Variants in COL4A6 observed in about 807,000 individuals in gnomAD.
COL4A6 encodes collagen type IV alpha 6 chain.
In COL4A6, 59 loss-of-function variants were observed where a neutral mutation model predicts 126.7. That is an observed-to-expected ratio of 0.47 (90% CI 0.38 to 0.58). The LOEUF (loss-of-function observed/expected upper bound fraction) is 0.58. Ranked by LOEUF, COL4A6 falls within the 20% of genes least tolerant of loss-of-function variation. The pLI, the probability that COL4A6 is intolerant of heterozygous loss-of-function variation, is 0.00. For missense variants in COL4A6, 1,285 were observed against 1,337.3 expected, an observed-to-expected ratio of 0.96 and a Z score of 0.61; for synonymous variants, 547 against 496.6, an observed-to-expected ratio of 1.10 and a Z score of -1.35.
At chrX:108,342,755 T>C (rs2039597900) in intron 2 of COL4A6, among the ~76,000 whole-genome samples, 1 of 111,276 alleles carries the variant, frequency 9.0e-6, no homozygotes, top group East Asian at 2.8e-4. Flanking sequence ...AGCTACCCAG[T>C]GGATATTTAT....
In COL4A6 at chrX:108,192,386, C is replaced by T. The variant is rs2035073115; in HGVS notation, c.1180+87G>A. 6 of 651,824 alleles carry T rather than the reference C, an allele frequency of 9.2e-6. No individual in the cohort carries two copies. In the Admixed American group the frequency reaches 1.2e-4, roughly 13 times the overall value. The allele number at this position is 651,824 out of a possible 1,213,427, so 53.7% of individuals were successfully genotyped here. A position where few individuals can be genotyped will look rare whatever the true frequency, so the allele number is the denominator to read the frequency against. On this transcript the variant is annotated intron_variant, in intron 18 of 44. Transcript: ENST00000334504. ...TTGTTTGACTTTGGCTAGGTGTGTG[C>T]CCCGACCCAGAGGTATAGAAGGGAA... is the stretch of plus-strand genomic sequence containing the variant.
At chrX:108,396,985 A>C (rs1021243227) in intron 2 of COL4A6, among the ~76,000 whole-genome samples, 5 of 111,679 alleles carry the variant, frequency 4.5e-5, no homozygotes, top group African/African-American at 1.6e-4. Context: ...ATGACTTTCT[A>C]TTCATGTATA....
Position 108,438,004 on chromosome X carries a change from A to AGG in COL4A6, c.12-13_12-12dup, listed in dbSNP as rs2064300554. On this transcript the variant is annotated splice_polypyrimidine_tract_variant and intron_variant, in intron 1 of 44. Transcript: ENST00000334504. The stretch of plus-strand genomic sequence containing the variant: ...AGGAGCAGCCACAACCTGAAATGGG[A>AGG]GGGAGGGTGAGTAATGGGCTCTCTA... 2.5e-6 allele frequency: 3 copies of AGG among 1,209,492 alleles called. No homozygotes were observed. Among genetic ancestry groups the AGG allele is most frequent in the Non-Finnish European group, 3.4e-6 (3 of 894,184 alleles).
chrX:108,190,459 C>G lies in COL4A6; in HGVS notation c.1359G>C (p.Glu453Asp). 1 of 1,205,181 alleles carries G rather than the reference C, an allele frequency of 8.3e-7. No homozygotes were observed. Among genetic ancestry groups the G allele is most frequent in the African/African-American group, 1.7e-5 (1 of 57,480 alleles). ...EFETETLHNKESGFPGLRGEQ... is the reference protein window; with the variant it reads ...EFETETLHNKDSGFPGLRGEQ... ...CTCCTCGGAGACCAGGGAACCCTGA[C>G]TCTTTGTTGTGTAGAGTTTCAGTCT... The change falls in exon 20 of 45, where the codon GAG (glutamate) becomes GAC (aspartate). Residue 453 changes from glutamate to aspartate, a missense_variant. Glu to Asp is a conservative substitution (Grantham distance 45). Transcript: ENST00000334504.
chrX:108,162,206 T>C (rs1488634441), intron 41 of COL4A6, among the ~76,000 whole-genome samples: 2 of 110,115 alleles, frequency 1.8e-5, no homozygotes, highest in African/African-American at 6.6e-5. Context: ...AAAAATTAGC[T>C]GGGTGTGGTG....
intron 3 of COL4A6, among the ~76,000 whole-genome samples, chrX:108,262,136 T>C (rs780013469): frequency 2.1e-4 from 24 of 111,994 alleles, no homozygotes; most frequent in African/African-American, 7.8e-4. Context: ...CTGGGTCTCA[T>C]TTGGATGAGT....
rs1490404088 is a variant in COL4A6 at position 108,435,036 on chromosome X, A to G, written c.63+2906T>C. ...ACGACTGAAAATCACAGCAGAAAGG[A>G]CCAACCTGGGCATGTTACAACTTTA... On this transcript the variant is annotated intron_variant, in intron 2 of 44. Coordinates refer to ENST00000334504, the MANE Select transcript of COL4A6 (RefSeq NM_033641.4). 1.7e-4 allele frequency among the ~76,000 whole-genome samples: 19 copies of G among 111,106 alleles called. No homozygotes were observed. The Admixed American group carries it at 1.8e-3, about 11-fold the overall frequency.
At chrX:108,221,785 T>C (rs1275880982) in intron 3 of COL4A6, among the ~76,000 whole-genome samples, 1 of 112,375 alleles carries the variant, frequency 8.9e-6, no homozygotes, top group African/African-American at 3.2e-5. Context: ...GTGCTTGCAG[T>C]GAAATCCAGA....
intron 38 of COL4A6, 92 bp from the exon 39 acceptor site, chrX:108,165,130 T>C: frequency 1.4e-5 from 13 of 934,737 alleles, no homozygotes; most frequent in Non-Finnish European, 1.9e-5. Context: ...CCAAAGCCCA[T>C]TCCCAGGACA....
At chrX:108,288,877 T>C (rs1288043012) in intron 3 of COL4A6, among the ~76,000 whole-genome samples, 1 of 111,571 alleles carries the variant, frequency 9.0e-6, no homozygotes, top group Non-Finnish European at 1.9e-5. Flanking sequence ...ATCATGTTCC[T>C]CCTGATGTGA....
intron 40 of COL4A6, chrX:108,163,284 C>G: frequency 3.0e-6 from 1 of 329,923 alleles, no homozygotes. Context: ...TCCTCAGGGC[C>G]CAGCATTGTG....
At chrX:108,196,940 G>A (rs1309806928) in intron 13 of COL4A6, among the ~76,000 whole-genome samples, 2 of 112,008 alleles carry the variant, frequency 1.8e-5, no homozygotes, top group Non-Finnish European at 3.8e-5. Flanking sequence ...CATATCTTGT[G>A]TTTTTCATTC....
At chrX:108,284,364 A>T (rs2037944037) in intron 3 of COL4A6, among the ~76,000 whole-genome samples, 1 of 110,924 alleles carries the variant, frequency 9.0e-6, no homozygotes, top group Non-Finnish European at 1.9e-5. Flanking sequence ...AATGTAGATG[A>T]TGTGCTGATG....
chrX:108,177,227 C>T (rs185446864), intron 27 of COL4A6, among the ~76,000 whole-genome samples: 5 of 112,775 alleles, frequency 4.4e-5, no homozygotes, highest in African/African-American at 9.6e-5. Context: ...ATGGTTATTA[C>T]TTCCAGCATG....
intron 3 of COL4A6, among the ~76,000 whole-genome samples, chrX:108,226,623 A>G (rs1046112472): frequency 6.4e-5 from 7 of 110,049 alleles, no homozygotes; most frequent in African/African-American, 2.3e-4. Context: ...AAATATTCCA[A>G]CTCAAACCCA....
intron 3 of COL4A6, chrX:108,268,820 C>T (rs190067164): frequency 6.8e-6 from 1 of 147,978 alleles, no homozygotes; most frequent in African/African-American, 3.1e-5. Flanking sequence ...TCAGCAGCAG[C>T]TATTTTTTCT....
chrX:108,283,348 G>T (rs2147816099), intron 3 of COL4A6, among the ~76,000 whole-genome samples: 1 of 110,637 alleles, frequency 9.0e-6, no homozygotes, highest in African/African-American at 3.3e-5. Flanking sequence ...TACTCTTACA[G>T]TTTTGCAGTT....
intron 5 of COL4A6, among the ~76,000 whole-genome samples, chrX:108,215,433 A>G (rs2035831676): frequency 9.0e-6 from 1 of 111,473 alleles, no homozygotes; most frequent in African/African-American, 3.3e-5. Flanking sequence ...GCAGCTCACT[A>G]AAGTTTGCAA....
At chrX:108,391,743 C>G (rs1470249794) in intron 2 of COL4A6, among the ~76,000 whole-genome samples, 10 of 112,184 alleles carry the variant, frequency 8.9e-5, no homozygotes, top group Non-Finnish European at 1.7e-4. Flanking sequence ...TCTCTCATGG[C>G]TTACTGTGGC....
Sources: allele counts gnomAD v4.1 joint callset (sites outside exome capture counted in the v4.1 genomes callset), GRCh38; gene constraint gnomAD v4.1.1; transcripts MANE v1.5; gene names NCBI Gene and HGNC (gene_info 2026-07-23, HGNC 2026-07-21).